The following ZDHHC14 variants were observed in gnomAD, a reference collection of about 807,000 sequenced individuals.
ZDHHC14 encodes the protein zDHHC palmitoyltransferase 14, also known as palmitoyltransferase ZDHHC14.
Under a neutral mutation model 47.7 loss-of-function variants are expected in ZDHHC14, and 16 were observed. That is an observed-to-expected ratio of 0.34 (90% CI 0.23 to 0.51). The LOEUF (loss-of-function observed/expected upper bound fraction) is 0.51, where lower values mean the gene tolerates loss of function less well. ZDHHC14 is among the 20% of genes least tolerant of loss of function. ZDHHC14 has a pLI of 0.97. For synonymous variants in ZDHHC14, 293 were observed against 278.9 expected (o/e 1.05, Z -0.50); for missense variants, 515 against 662.5 (o/e 0.78, Z 2.44).
At chr6:157,605,168 C>T (rs574083205) in intron 3 of ZDHHC14, among the ~76,000 whole-genome samples, 1 of 152,236 alleles carries the variant, frequency 6.6e-6, no homozygotes, top group Admixed American at 6.5e-5. Context: ...TATGTGTTTG[C>T]ACATTTTTTA....
At chr6:157,602,535 T>TGCAGGTTCTGGGAGAGC (rs1240511258) in intron 3 of ZDHHC14, among the ~76,000 whole-genome samples, 3 of 150,264 alleles carry the variant, frequency 2.0e-5, no homozygotes, top group Admixed American at 2.0e-4. Context: ...GGGAGCTGTG[T>TGCAGGTTCTGGGAGAGC]GCAGGTTCTG....
intron 8 of ZDHHC14, among the ~76,000 whole-genome samples, chr6:157,671,523 A>C (rs373155164): frequency 2.0e-5 from 3 of 152,356 alleles, no homozygotes; most frequent in African/African-American, 7.2e-5. Context: ...TTGAAGATTT[A>C]TAAGTCCTGT....
Position 157,381,852 on chromosome 6 carries a change from T to G in ZDHHC14, c.-170T>G. The G allele has an allele frequency of 2.5e-6, 1 of 396,364 alleles. No homozygotes were observed. The highest frequency in any genetic ancestry group is 3.4e-6 in the Non-Finnish European group (1 of 295,996). 24.6% of individuals were successfully genotyped at this position (396,364 alleles called of 1,614,324 possible). A position where few individuals can be genotyped will look rare whatever the true frequency, so the allele number is the denominator to read the frequency against. The stretch of plus-strand genomic sequence containing the variant: ...TATGACAGTTGGGCTCCCCGGAGGG[T>G]TAACCTGGGTGTCCTCGGCAAAGTT... On this transcript the variant is annotated 5_prime_UTR_variant, in exon 1 of 9. Coordinates refer to ENST00000359775, the MANE Select transcript of ZDHHC14 (RefSeq NM_024630.3).
chr6:157,497,017 C>T (rs1780082657), intron 1 of ZDHHC14, among the ~76,000 whole-genome samples: 1 of 152,096 alleles, frequency 6.6e-6, no homozygotes, highest in African/African-American at 2.4e-5. Context: ...TCCAGGCCAG[C>T]ATGAGTGGGT....
intron 1 of ZDHHC14, among the ~76,000 whole-genome samples, chr6:157,383,799 G>A (rs556080118): frequency 1.8e-4 from 28 of 152,278 alleles, no homozygotes; most frequent in Admixed American, 7.2e-4. Context: ...ACCTGTGGAC[G>A]GGAGGGGAAG....
Position 157,460,791 on chromosome 6 carries a change from G to A in ZDHHC14, c.245+78525G>A, listed in dbSNP as rs1374656588. Among the ~76,000 whole-genome samples, 12 of 152,276 alleles carry A rather than the reference G, an allele frequency of 7.9e-5. No homozygotes were observed. In the South Asian group the frequency reaches 1.9e-3, roughly 24 times the overall value. On this transcript the variant is annotated intron_variant, in intron 1 of 8. Coordinates refer to ENST00000359775, the MANE Select transcript of ZDHHC14 (RefSeq NM_024630.3). Reference sequence around the variant, plus strand: ...AAACATCCCCCGTTTGCTTATGGCTGGGGATGGGTTAGAGACAGCAGGCGA... The same window carrying A: ...AAACATCCCCCGTTTGCTTATGGCTAGGGATGGGTTAGAGACAGCAGGCGA...
chr6:157,677,935 C>T lies in ZDHHC14; in HGVS notation c.*4813C>T, dbSNP rs1423397011. Reference sequence around the variant, plus strand: ...GATATTTCACAGTCAAACGTTTTGGCATGGAAAAAAAAAAAAGCATTTTAA... The same window carrying T: ...GATATTTCACAGTCAAACGTTTTGGTATGGAAAAAAAAAAAAGCATTTTAA... On this transcript the variant is annotated 3_prime_UTR_variant, in exon 9 of 9. Transcript: ENST00000359775. 1.2e-5 allele frequency: 1 copy of T among 86,196 alleles called. No individual in the cohort carries two copies. Among genetic ancestry groups the T allele is most frequent in the Admixed American group, 1.3e-4 (1 of 7,992 alleles). The allele number at this position is 86,196 out of a possible 1,614,324, so 5.3% of individuals were successfully genotyped here. A position where few individuals can be genotyped will look rare whatever the true frequency, so the allele number is the denominator to read the frequency against.
chr6:157,528,723 C>T (rs1011691927), intron 1 of ZDHHC14, among the ~76,000 whole-genome samples: 4 of 150,962 alleles, frequency 2.6e-5, no homozygotes, highest in Admixed American at 2.6e-4. Flanking sequence ...CAGAGCAAGA[C>T]TTCATCTCAA....
chr6:157,382,675 C>T (rs1777238303), intron 1 of ZDHHC14, among the ~76,000 whole-genome samples: 4 of 152,194 alleles, frequency 2.6e-5, no homozygotes, highest in Admixed American at 6.5e-5. Flanking sequence ...ATACATGGAA[C>T]TGACTTTTTC....
intron 8 of ZDHHC14, among the ~76,000 whole-genome samples, chr6:157,659,829 G>A (rs1180371645): frequency 6.6e-6 from 1 of 152,190 alleles, no homozygotes; most frequent in Non-Finnish European, 1.5e-5. Flanking sequence ...AAAAGTTCTT[G>A]CGTTCCAATC....
At position 157,427,273 on chromosome 6, in the gene ZDHHC14, A is replaced by G. The variant is rs112698238; in HGVS notation, c.245+45007A>G. Among the ~76,000 whole-genome samples, 3 of 152,140 alleles carry G rather than the reference A, an allele frequency of 2.0e-5. No individual in the cohort carries two copies. The highest frequency in any genetic ancestry group is 7.2e-5 in the African/African-American group (3 of 41,426). ...TGTTCAGAAGCCAGTGTGATGGTTG[A>G]TTTTAAACATAATACAGCAAGTGGG... On this transcript the variant is annotated intron_variant, in intron 1 of 8. Coordinates refer to ENST00000359775, the MANE Select transcript of ZDHHC14 (RefSeq NM_024630.3). This position sits in a 1 kb window ranked among gnomAD's most constrained non-coding sequence, Gnocchi z 4.4.
chr6:157,666,761 G>A (rs1457053877), intron 8 of ZDHHC14, among the ~76,000 whole-genome samples: 1 of 152,194 alleles, frequency 6.6e-6, no homozygotes, highest in African/African-American at 2.4e-5. Context: ...AAAATAAAAT[G>A]TATTCCTACA....
intron 8 of ZDHHC14, among the ~76,000 whole-genome samples, chr6:157,661,117 A>C (rs1269943061): frequency 1.3e-5 from 2 of 151,146 alleles, no homozygotes; most frequent in African/African-American, 4.9e-5. Context: ...CTGGTGTTTC[A>C]AGAGGGGGTG....
At chr6:157,392,512 G>A (rs1777436647) in intron 1 of ZDHHC14, among the ~76,000 whole-genome samples, 1 of 152,008 alleles carries the variant, frequency 6.6e-6, no homozygotes, top group African/African-American at 2.4e-5. Flanking sequence ...AGCTTTCTTT[G>A]GAAGCCTTGA....
chr6:157,635,468 C>G (rs1776926724), intron 5 of ZDHHC14, among the ~76,000 whole-genome samples: 2 of 152,214 alleles, frequency 1.3e-5, no homozygotes, highest in African/African-American at 4.8e-5. Flanking sequence ...TTTCTTAACC[C>G]TTTTGTGTCT....
chr6:157,517,714 T>C (rs1780747785), intron 1 of ZDHHC14, among the ~76,000 whole-genome samples: 1 of 152,196 alleles, frequency 6.6e-6, no homozygotes, highest in Non-Finnish European at 1.5e-5. Context: ...CCAGGTTCAG[T>C]CCTGAGTAAA....
chr6:157,495,474 G>C (rs953956909), intron 1 of ZDHHC14, among the ~76,000 whole-genome samples: 1 of 152,152 alleles, frequency 6.6e-6, no homozygotes, highest in African/African-American at 2.4e-5. Flanking sequence ...GCCAGCCAGT[G>C]GCTGCTGCCT....
intron 1 of ZDHHC14, among the ~76,000 whole-genome samples, chr6:157,480,273 G>GGT (rs1779593649): frequency 1.1e-5 from 1 of 93,890 alleles, no homozygotes; most frequent in Non-Finnish European, 2.4e-5. Flanking sequence ...TTTTTTTTTT[G>GGT]CTTTTTTTTT....
intron 6 of ZDHHC14, 78 bp from the exon 7 acceptor site, chr6:157,647,181 C>A: frequency 1.1e-6 from 1 of 919,702 alleles, no homozygotes; most frequent in Non-Finnish European, 1.7e-6. Flanking sequence ...TCTTTATGAG[C>A]CTCTCATGGT....
Sources: allele counts gnomAD v4.1 joint callset (sites outside exome capture counted in the v4.1 genomes callset), GRCh38; gene constraint gnomAD v4.1.1; non-coding constraint Gnocchi (gnomAD v3.1); transcripts MANE v1.5; gene names NCBI Gene and HGNC (gene_info 2026-07-23, HGNC 2026-07-21).